The following MASP1 variants were observed in gnomAD, a reference collection of about 807,000 sequenced individuals.
MASP1 encodes the protein mannan-binding lectin serine protease 1.
In MASP1, 59 loss-of-function variants were observed where a neutral mutation model predicts 77.1. That is an observed-to-expected ratio of 0.77 (90% CI 0.62 to 0.95). The LOEUF is 0.95. Ranked by LOEUF, MASP1 falls within the 40% of genes least tolerant of loss-of-function variation. The pLI is 0.00. For synonymous variants in MASP1, 362 were observed against 354.5 expected (o/e 1.02, Z -0.24); for missense variants, 885 against 912.9 (o/e 0.97, Z 0.39).
At chr3:187,249,573 T>C (rs1460023283) in intron 8 of MASP1, among the ~76,000 whole-genome samples, 1 of 152,220 alleles carries the variant, frequency 6.6e-6, no homozygotes, top group Non-Finnish European at 1.5e-5. Flanking sequence ...GAAGCCTGTA[T>C]TTTTACAAAG....
At chr3:187,289,600 C>A (rs1718142701) in intron 1 of MASP1, among the ~76,000 whole-genome samples, 1 of 152,188 alleles carries the variant, frequency 6.6e-6, no homozygotes, top group Non-Finnish European at 1.5e-5. Context: ...AAAGTCCCTC[C>A]TCAGGAGGTT....
chr3:187,265,425 T>C (rs1010162976), intron 2 of MASP1, among the ~76,000 whole-genome samples: 2 of 152,142 alleles, frequency 1.3e-5, no homozygotes, highest in South Asian at 2.1e-4. Flanking sequence ...TAATGGCAGA[T>C]AAATCAGATA....
intron 2 of MASP1, among the ~76,000 whole-genome samples, chr3:187,267,125 G>T (rs900464021): frequency 6.6e-6 from 1 of 152,240 alleles, no homozygotes; most frequent in African/African-American, 2.4e-5. Flanking sequence ...GGTGAATCTA[G>T]TGAGTGGTGA....
At chr3:187,271,447 T>C (rs891145657) in intron 2 of MASP1, among the ~76,000 whole-genome samples, 1 of 152,180 alleles carries the variant, frequency 6.6e-6, no homozygotes, top group Non-Finnish European at 1.5e-5. Flanking sequence ...AACTTCTAAA[T>C]ACAAGGCAGC....
intron 13 of MASP1, among the ~76,000 whole-genome samples, chr3:187,224,351 T>G (rs1712253052): frequency 7.1e-6 from 1 of 141,214 alleles, no homozygotes; most frequent in South Asian, 2.3e-4. Flanking sequence ...TTTTTTTTTT[T>G]TTTTTTTTTT....
Position 187,243,341 on chromosome 3 carries a change from T to C in MASP1, c.1228+143A>G, listed in dbSNP as rs1713811424. ...GCTCATGAAAAGTGAGAACCTGAGA[T>C]GTGTGAGTGACACGTTTTGCATTAT... On this transcript the variant is annotated intron_variant, in intron 9 of 10. Transcript: ENST00000296280. The C allele has an allele frequency of 4.2e-5, 35 of 825,012 alleles. 1 individual carries two copies. In the South Asian group the frequency reaches 4.9e-4, roughly 11 times the overall value. 51.1% of individuals were successfully genotyped at this position (825,012 alleles called of 1,614,324 possible). A position where few individuals can be genotyped will look rare whatever the true frequency, so the allele number is the denominator to read the frequency against.
chr3:187,220,310 CAA>C (rs754155454), intron 15 of MASP1: 27 of 1,548,328 alleles, frequency 1.7e-5, no homozygotes, highest in Middle Eastern at 1.7e-4. Context: ...CTTCCCAGCC[CAA>C]GTCTCCTTCT....
rs1714858675 is a variant in MASP1, at chr3:187,254,043, T to G, written c.745-728A>C. Among the ~76,000 whole-genome samples the G allele has an allele frequency of 4.6e-5, 7 of 152,088 alleles. No individual in the cohort carries two copies. The South Asian group carries it at 1.5e-3, about 32-fold the overall frequency. ...CCTCTGCTTAAAGATGAACGTATTG[T>G]GGCTCAGAGAAGGGCAGAGTGCTGT... On this transcript the variant is annotated intron_variant, in intron 5 of 10. Coordinates refer to ENST00000296280, the MANE Select transcript of MASP1 (RefSeq NM_139125.4).
At chr3:187,291,265 G>T (rs1241765774) in intron 1 of MASP1, 4 of 398,152 alleles carry the variant, frequency 1.0e-5, no homozygotes, top group Admixed American at 7.3e-5. Flanking sequence ...AAGAGAGAAA[G>T]CAATGCTCTT....
chr3:187,269,444 G>T (rs919012164), intron 2 of MASP1, among the ~76,000 whole-genome samples: 5 of 152,108 alleles, frequency 3.3e-5, no homozygotes, highest in Admixed American at 3.3e-4. Flanking sequence ...TACAGAAAGC[G>T]AACTGAATAG....
rs760279753 is a variant in MASP1 at position 187,256,715 on chromosome 3, T to G, written c.693A>C (p.Ile231=). The change falls in exon 5 of 11, where the codon ATA becomes ATC. Residue 231 remains isoleucine, a synonymous_variant. Transcript: ENST00000296280. ...GFMVNLQFED[I]FDIEDHPEVP... is the part of the protein sequence containing the mutation. ...CCTCAGGATGGTCCTCAATGTCAAA[T>G]ATGTCCTCAAACTGCAGGTTGACCA... 16 of 1,613,940 alleles carry G rather than the reference T, an allele frequency of 9.9e-6. No individual in the cohort carries two copies. Among genetic ancestry groups the G allele is most frequent in the Non-Finnish European group, 1.4e-5 (16 of 1,180,008 alleles).
chr3:187,222,122 C>G (rs548163182), intron 14 of MASP1, among the ~76,000 whole-genome samples: 6 of 152,326 alleles, frequency 3.9e-5, no homozygotes, highest in Non-Finnish European at 7.3e-5. Flanking sequence ...TCCTCAGCAA[C>G]TGCTGAGCAC....
At chr3:187,246,958 A>C in intron 8 of MASP1, 3 of 1,125,424 alleles carry the variant, frequency 2.7e-6, no homozygotes, top group Non-Finnish European at 3.3e-6. Context: ...AGAATGGATT[A>C]GAAACCACTT....
intron 2 of MASP1, 30 bp from the exon 3 acceptor site, chr3:187,262,750 T>G: frequency 6.2e-7 from 1 of 1,606,714 alleles, no homozygotes. Flanking sequence ...GGGAACAAGA[T>G]GAGCAGTTTC....
In MASP1 at chr3:187,241,496, G is replaced by A. The variant is rs369173012; in HGVS notation, c.1288C>T (p.Pro430Ser). The change falls in exon 10 of 11, where the codon CCC becomes TCC. Residue 430 changes from proline (P) to serine (S), a missense_variant. Physicochemically the swap from Pro to Ser is moderately conservative, Grantham distance 74 (BLOSUM62 -1). Coordinates refer to ENST00000296280, the MANE Select transcript of MASP1 (RefSeq NM_139125.4). Reference sequence around the variant, plus strand: ...GGTGAGGTACCTGGAAGGCAGGTGGGTAGGCTTCTCCCCAATACTTTATTC... The same window carrying A: ...GGTGAGGTACCTGGAAGGCAGGTGGATAGGCTTCTCCCCAATACTTTATTC... The part of the protein sequence containing the change: ...WMNKVLGRSL[P>S]TCLPECGQPS... The A allele has an allele frequency of 1.4e-5, 23 of 1,613,698 alleles. No individual in the cohort carries two copies. Among genetic ancestry groups the A allele is most frequent in the Non-Finnish European group, 1.6e-5 (19 of 1,179,722 alleles).
At chr3:187,219,643 C>T (rs1316043620) in exon 16 of MASP1, 2 of 237,080 alleles carry the variant, frequency 8.4e-6, no homozygotes, top group Non-Finnish European at 1.7e-5. Flanking sequence ...AGAGCTTCGT[C>T]TGCCTGGTAG....
chr3:187,278,242 G>A (rs551160165), intron 2 of MASP1, among the ~76,000 whole-genome samples: 42 of 152,330 alleles, frequency 2.8e-4, no homozygotes, highest in African/African-American at 9.6e-4. Flanking sequence ...GGGTCTGAAT[G>A]ACTCCAAAGT....
intron 10 of MASP1, among the ~76,000 whole-genome samples, chr3:187,239,746 T>C (rs933879965): frequency 4.6e-5 from 7 of 152,186 alleles, no homozygotes; most frequent in African/African-American, 1.7e-4. Context: ...GCGGAATGGG[T>C]GGGATGAACA....
chr3:187,265,319 G>T lies in MASP1; in HGVS notation c.238-2599C>A, dbSNP rs1445333719. On this transcript the variant is annotated intron_variant, in intron 2 of 10. Coordinates refer to ENST00000296280, the MANE Select transcript of MASP1 (RefSeq NM_139125.4). ...GTGACTGGGACATGAACATTTTCAA[G>T]TGAACACACTGGTCATTTGGATTAG... Among the ~76,000 whole-genome samples, 6 of 152,174 alleles carry T rather than the reference G, an allele frequency of 3.9e-5. 1 individual carries two copies.
Sources: gnomAD v4.1 joint callset for allele counts (sites outside exome capture counted in the v4.1 genomes callset) on GRCh38, gnomAD v4.1.1 for gene constraint, MANE v1.5 for transcripts, NCBI Gene and HGNC (gene_info 2026-07-23, HGNC 2026-07-21) for gene names.